Variants in USP49 observed in about 807,000 individuals in gnomAD.
The protein encoded by USP49 is ubiquitin carboxyl-terminal hydrolase 49.
A neutral mutation model predicts 58.6 loss-of-function variants in USP49; 24 were observed. The ratio of observed to expected loss-of-function variants is 0.41; its 90% CI spans 0.30 to 0.58. The LOEUF is 0.58. USP49 is among the 20% of genes least tolerant of loss of function. USP49 has a pLI of 0.30. For synonymous variants in USP49, 408 were observed against 365.1 expected, an observed-to-expected ratio of 1.12 and a Z score of -1.34; for missense variants, 703 against 866.1, an observed-to-expected ratio of 0.81 and a Z score of 2.36.
At chr6:41,820,655 G>A (rs1014848161) in intron 3 of USP49, among the ~76,000 whole-genome samples, 8 of 152,098 alleles carry the variant, frequency 5.3e-5, no homozygotes, top group African/African-American at 1.9e-4. Flanking sequence ...CAGGTACATG[G>A]AATTCATTAT....
At chr6:41,810,882 T>TTTC (rs1773246564) in intron 3 of USP49, among the ~76,000 whole-genome samples, 1 of 152,116 alleles carries the variant, frequency 6.6e-6, no homozygotes, top group South Asian at 2.1e-4. Context: ...TCAAGGTGAA[T>TTTC]TTCTTTCACC....
intron 3 of USP49, among the ~76,000 whole-genome samples, chr6:41,858,280 T>C (rs1230291530): frequency 6.6e-6 from 1 of 152,210 alleles, no homozygotes; most frequent in Non-Finnish European, 1.5e-5. Flanking sequence ...AAGAGAGATT[T>C]ACACAATAAT....
intron 3 of USP49, among the ~76,000 whole-genome samples, chr6:41,843,234 T>C (rs1048180813): frequency 6.6e-6 from 1 of 152,190 alleles, no homozygotes; most frequent in Non-Finnish European, 1.5e-5. Context: ...GTCAGTAACT[T>C]TGCTAGCACT....
At chr6:41,813,793 A>C (rs1773301962) in intron 3 of USP49, among the ~76,000 whole-genome samples, 1 of 152,206 alleles carries the variant, frequency 6.6e-6, no homozygotes, top group South Asian at 2.1e-4. Context: ...CATGAAATGG[A>C]AATCTCCTAA....
At chr6:41,885,456 T>TA (rs1774692637) in intron 2 of USP49, among the ~76,000 whole-genome samples, 2 of 152,162 alleles carry the variant, frequency 1.3e-5, no homozygotes, top group Non-Finnish European at 2.9e-5. Flanking sequence ...CAGCTGCCTA[T>TA]AAGGCTCTAA....
In USP49 at chr6:41,891,122, T is replaced by C. The variant is rs115165644; in HGVS notation, c.-103+672A>G. Among the ~76,000 whole-genome samples the C allele has an allele frequency of 1.9e-3, 294 of 152,310 alleles. 3 individuals are homozygous for C. Among genetic ancestry groups the C allele is most frequent in the African/African-American group, 5.6e-3 (234 of 41,566 alleles). On this transcript the variant is annotated intron_variant, in intron 2 of 7. Transcript: ENST00000682992. ...GGACTACAGGGATAATTTTTAAAGA[T>C]TGGCAAACAAGACTTGTTAAGTGTT...
intron 3 of USP49, among the ~76,000 whole-genome samples, chr6:41,842,032 G>C (rs911825379): frequency 6.6e-6 from 1 of 152,050 alleles, no homozygotes; most frequent in Admixed American, 6.6e-5. Flanking sequence ...ACTCCAGCCT[G>C]GGTGACAGAG....
rs770850955 is a variant in USP49, at chr6:41,806,276, G to A, written c.708C>T (p.Pro236=). Residue 236 remains proline, a synonymous_variant, in exon 4 of 8, where the codon CCC becomes CCT. Transcript: ENST00000682992. This position sits in a 1 kb window ranked among gnomAD's most constrained non-coding sequence, Gnocchi z 5.9. ...GGCGACGCAGCTTGAGTGTGGCGGC[G>A]GGCACTCTGCGTGAGGTAGGGAGGG... ...PAALPTSRRV[P]AATLKLRRQP... 9 of 1,603,464 alleles carry A rather than the reference G, an allele frequency of 5.6e-6. No homozygotes were observed. The highest frequency in any genetic ancestry group is 1.6e-4 in the Middle Eastern group (1 of 6,078).
chr6:41,819,319 A>C (rs371581789), intron 3 of USP49, among the ~76,000 whole-genome samples: 2 of 152,150 alleles, frequency 1.3e-5, no homozygotes, highest in African/African-American at 4.8e-5. Context: ...CCTGTTCTCT[A>C]CTGCCACATG....
At chr6:41,893,578 T>A (rs1422021398) in intron 1 of USP49, among the ~76,000 whole-genome samples, 1 of 152,030 alleles carries the variant, frequency 6.6e-6, no homozygotes, top group Non-Finnish European at 1.5e-5. Context: ...ATCACACGAG[T>A]ACACCCTAAA....
chr6:41,809,943 G>A lies in USP49; in HGVS notation c.-28-2932C>T, dbSNP rs560455470. On this transcript the variant is annotated intron_variant, in intron 3 of 7. Transcript: ENST00000682992. ...GAGGAGGGCAGATCACGAGGTCAGAGGATCGAGACCATCCTGGCTAACACG... is the reference window on the plus strand; with the variant it reads ...GAGGAGGGCAGATCACGAGGTCAGAAGATCGAGACCATCCTGGCTAACACG... Among the ~76,000 whole-genome samples the A allele has an allele frequency of 4.3e-3, 649 of 150,886 alleles. 7 individuals carry two copies. The highest frequency in any genetic ancestry group is 0.015 in the African/African-American group (615 of 41,114).
In USP49 at chr6:41,806,524, T is replaced by C. The variant is rs1773136152; in HGVS notation, c.460A>G (p.Thr154Ala). 1.9e-6 allele frequency: 3 copies of C among 1,599,780 alleles called. No homozygotes were observed. Among genetic ancestry groups the C allele is most frequent in the East Asian group, 4.5e-5 (2 of 44,858 alleles). ...CTCTTCTCGAACCACAGCCGCAGCG[T>C]CCTGGCCAGCAGGCGCTGACGCCGG... ...WYRRQRLLAR[T>A]LRLWFEKSSR... The change falls in exon 4 of 8, where the codon ACG (threonine) becomes GCG (alanine). Residue 154 changes from threonine to alanine, a missense_variant. By Grantham distance (58) the Thr-to-Ala change is moderately conservative. Coordinates refer to ENST00000682992, the MANE Select transcript of USP49 (RefSeq NM_001286554.2). This position sits in a 1 kb window ranked among gnomAD's most constrained non-coding sequence, Gnocchi z 5.9.
intron 3 of USP49, among the ~76,000 whole-genome samples, chr6:41,815,506 G>A (rs1309273437): frequency 2.0e-5 from 3 of 152,114 alleles, no homozygotes; most frequent in Non-Finnish European, 2.9e-5. Context: ...GGGACAGTGG[G>A]TGGGAGAAGA....
At position 41,790,282 on chromosome 6, in the gene USP49, GA is replaced by G. The variant is rs1421559752; in HGVS notation, c.*6250del. The G allele has an allele frequency of 1.3e-5, 2 of 152,208 alleles. No homozygotes were observed. The highest frequency in any genetic ancestry group is 2.9e-5 in the Non-Finnish European group (2 of 68,042). The allele number at this position is 152,208 out of a possible 1,614,324, so 9.4% of individuals were successfully genotyped here. A position where few individuals can be genotyped will look rare whatever the true frequency, so the allele number is the denominator to read the frequency against. On this transcript the variant is annotated 3_prime_UTR_variant, in exon 8 of 8. Transcript: ENST00000682992. ...AGTGATGTGTAGGGGGAGGCAAAGTGAAGTAAGCCTGGGCAGTGGTCACTAA... is the reference window on the plus strand; with the variant it reads ...AGTGATGTGTAGGGGGAGGCAAAGTGAGTAAGCCTGGGCAGTGGTCACTAA...
chr6:41,802,422 AT>A (rs1168016203), intron 5 of USP49, among the ~76,000 whole-genome samples: 3 of 85,688 alleles, frequency 3.5e-5, no homozygotes, highest in African/African-American at 1.2e-4. Flanking sequence ...ATTTTATTTT[AT>A]TTTATTTTAT....
intron 1 of USP49, chr6:41,894,157 G>A (rs987104512): frequency 6.6e-6 from 1 of 151,310 alleles, no homozygotes; most frequent in African/African-American, 2.4e-5. Context: ...AAATTCTGGG[G>A]CCCATCTCTT....
At chr6:41,873,578 C>G (rs1026848772) in intron 2 of USP49, among the ~76,000 whole-genome samples, 11 of 152,178 alleles carry the variant, frequency 7.2e-5, no homozygotes, top group Non-Finnish European at 1.6e-4. Context: ...CACAAAATGT[C>G]CCCCAAATGA....
chr6:41,809,744 G>A (rs889162631), intron 3 of USP49, among the ~76,000 whole-genome samples: 3 of 151,726 alleles, frequency 2.0e-5, no homozygotes, highest in African/African-American at 7.3e-5. Flanking sequence ...GGAGAATGGC[G>A]TGAACCCGGG....
At chr6:41,824,482 G>A (rs529513420) in intron 3 of USP49, among the ~76,000 whole-genome samples, 34 of 151,482 alleles carry the variant, frequency 2.2e-4, no homozygotes, top group African/African-American at 8.0e-4. Flanking sequence ...AGGCCGAGGC[G>A]GGCAGATCAC....
Sources: gnomAD v4.1 joint callset for allele counts (sites outside exome capture counted in the v4.1 genomes callset) on GRCh38, gnomAD v4.1.1 for gene constraint, Gnocchi (gnomAD v3.1) non-coding constraint, MANE v1.5 for transcripts, NCBI Gene and HGNC (gene_info 2026-07-23, HGNC 2026-07-21) for gene names.